ABTB3: variants seen among roughly 807,000 people sequenced by gnomAD.
ABTB3 encodes ankyrin repeat and BTB domain containing 3.
chr12:107,530,337 G>A, the ABTB3 span, among the ~76,000 whole-genome samples: 5 of 152,224 alleles, frequency 3.3e-5, no homozygotes, highest in Admixed American at 2.0e-4. Flanking sequence ...GAGAGACAGA[G>A]GGAAAGATAA....
chr12:107,548,857 G>A, the ABTB3 span, among the ~76,000 whole-genome samples: 5 of 152,046 alleles, frequency 3.3e-5, no homozygotes, highest in Non-Finnish European at 5.9e-5. Context: ...CATGTCTTTG[G>A]CCATGGATGA....
At chr12:107,331,817 T>C in the ABTB3 span, among the ~76,000 whole-genome samples, 2 of 152,218 alleles carry the variant, frequency 1.3e-5, no homozygotes, top group Non-Finnish European at 2.9e-5. Context: ...GCTGCCATTG[T>C]TGGGGCCAGA....
the ABTB3 span, among the ~76,000 whole-genome samples, chr12:107,393,335 G>GA: frequency 5.2e-4 from 59 of 112,530 alleles, no homozygotes; most frequent in East Asian, 3.8e-3. Context: ...GTATCAGGCA[G>GA]GGTGGGGGTG....
At chr12:107,498,931 T>G in the ABTB3 span, among the ~76,000 whole-genome samples, 10 of 152,238 alleles carry the variant, frequency 6.6e-5, no homozygotes, top group African/African-American at 2.4e-4. Flanking sequence ...GGTAAATCAT[T>G]TCTGAAAGTG....
the ABTB3 span, among the ~76,000 whole-genome samples, chr12:107,550,538 G>C: frequency 6.8e-6 from 1 of 148,048 alleles, no homozygotes; most frequent in Non-Finnish European, 1.5e-5. Flanking sequence ...ACAAAAAACT[G>C]ACAAAATCCA....
the ABTB3 span, among the ~76,000 whole-genome samples, chr12:107,415,413 A>T: frequency 2.6e-5 from 4 of 152,138 alleles, no homozygotes; most frequent in South Asian, 8.3e-4. Flanking sequence ...CTTTTTGGAT[A>T]AAAACACAAA....
chr12:107,357,796 G>T, the ABTB3 span, among the ~76,000 whole-genome samples: 1 of 152,202 alleles, frequency 6.6e-6, no homozygotes, highest in Non-Finnish European at 1.5e-5. Context: ...GACTACATGT[G>T]CTCAGCAGCC....
At chr12:107,623,219 C>T in the ABTB3 span, among the ~76,000 whole-genome samples, 8 of 151,972 alleles carry the variant, frequency 5.3e-5, no homozygotes, top group Non-Finnish European at 1.2e-4. Context: ...CGCCACCATG[C>T]CCTGCTAATT....
chr12:107,474,501 A>G, the ABTB3 span, among the ~76,000 whole-genome samples: 1 of 152,228 alleles, frequency 6.6e-6, no homozygotes, highest in Admixed American at 6.5e-5. Context: ...TTAAGAAATC[A>G]AAACCTGTGC....
the ABTB3 span, among the ~76,000 whole-genome samples, chr12:107,380,770 G>A: frequency 6.6e-6 from 1 of 152,108 alleles, no homozygotes; most frequent in Non-Finnish European, 1.5e-5. Flanking sequence ...GCGTGAATGT[G>A]CACGAAAGGG....
At chr12:107,369,711 T>G in the ABTB3 span, among the ~76,000 whole-genome samples, 1,732 of 30,970 alleles carry the variant, frequency 0.056, 89 homozygotes, top group South Asian at 0.13. Context: ...AACATGGTTT[T>G]TTTTTTTTTT....
chr12:107,347,358 A>G, the ABTB3 span, among the ~76,000 whole-genome samples: 5 of 152,176 alleles, frequency 3.3e-5, no homozygotes, highest in Non-Finnish European at 7.3e-5. Context: ...AGAATCTTTC[A>G]GTTAACTATT....
the ABTB3 span, among the ~76,000 whole-genome samples, chr12:107,449,812 A>AT: frequency 1.3e-4 from 19 of 149,882 alleles, no homozygotes; most frequent in South Asian, 8.6e-4. Context: ...ACACTGGCTA[A>AT]TTTTTTTTTT....
the ABTB3 span, among the ~76,000 whole-genome samples, chr12:107,654,914 A>ATT: frequency 6.8e-6 from 1 of 147,192 alleles, no homozygotes; most frequent in African/African-American, 2.5e-5. Flanking sequence ...GGACACAAGC[A>ATT]TTTTTTTTTT....
chr12:107,359,794 A>G, the ABTB3 span, among the ~76,000 whole-genome samples: 2 of 152,156 alleles, frequency 1.3e-5, no homozygotes, highest in African/African-American at 2.4e-5. Context: ...AACTTGCCCA[A>G]GACTGGGGTT....
chr12:107,530,350 G>A, the ABTB3 span, among the ~76,000 whole-genome samples: 189 of 152,296 alleles, frequency 1.2e-3, no homozygotes, highest in Non-Finnish European at 6.3e-4. Context: ...AAAGATAAGC[G>A]TCTTCCACCC....
chr12:107,369,253 C>T, the ABTB3 span, among the ~76,000 whole-genome samples: 96 of 152,120 alleles, frequency 6.3e-4, 2 homozygotes, highest in Middle Eastern at 6.3e-3. Context: ...TTTTCATCCA[C>T]TTAGAGTCTA....
At chr12:107,493,224 A>G in the ABTB3 span, among the ~76,000 whole-genome samples, 1 of 152,140 alleles carries the variant, frequency 6.6e-6, no homozygotes, top group East Asian at 1.9e-4. Context: ...GGCAAGAAAA[A>G]CCAAGAGTAG....
the ABTB3 span, among the ~76,000 whole-genome samples, chr12:107,403,069 G>A: frequency 2.0e-5 from 3 of 152,126 alleles, no homozygotes; most frequent in East Asian, 1.9e-4. Context: ...CACAGGCCTC[G>A]GACCCAAGTC....
Sources: allele counts gnomAD v4.1 joint callset (sites outside exome capture counted in the v4.1 genomes callset), GRCh38; gene constraint gnomAD v4.1.1; transcripts MANE v1.5; gene names NCBI Gene and HGNC (gene_info 2026-07-23, HGNC 2026-07-21).